Variants in SNAPC3 observed in about 807,000 individuals in gnomAD.
SNAPC3 encodes the protein snRNA-activating protein complex subunit 3.
A neutral mutation model predicts 47.7 loss-of-function variants in SNAPC3; 56 were observed. The ratio of observed to expected loss-of-function variants is 1.18; its 90% CI spans 0.95 to 1.47. The LOEUF is 1.47. Among genes scored for constraint, SNAPC3 ranks in the 40% most tolerant of loss-of-function variants. The probability of loss-of-function intolerance (pLI) is 0.00; values close to 1 mark genes in which losing one functional copy is unlikely to be tolerated. For synonymous variants in SNAPC3, 235 were observed against 189.9 expected (o/e 1.24, Z -1.95); for missense variants, 665 against 511.3 (o/e 1.30, Z -2.90).
downstream of SNAPC3, chr9:15,464,208 TCCTAGTTCCATTATAAGA>T (rs1434274769): frequency 1.0e-5 from 2 of 190,662 alleles, no homozygotes; most frequent in Admixed American, 1.2e-4. Context: ...AAACGGTGAT[TCCTAGTTCCATTATAAGA>T]CCTCTTTAAA....
downstream of SNAPC3, chr9:15,463,427 C>T (rs938689173): frequency 6.5e-5 from 9 of 137,606 alleles, no homozygotes; most frequent in African/African-American, 1.1e-4. Context: ...AAAACACATA[C>T]GTACATACAC....
intron 2 of SNAPC3, among the ~76,000 whole-genome samples, chr9:15,430,308 T>G (rs969389317): frequency 6.6e-6 from 1 of 152,130 alleles, no homozygotes; most frequent in African/African-American, 2.4e-5. Flanking sequence ...GGCACACACC[T>G]GTGCTCCCAG....
At chr9:15,447,396 G>T in intron 5 of SNAPC3, 152 bp downstream of exon 5, 1 of 700,108 alleles carries the variant, frequency 1.4e-6, no homozygotes, top group Non-Finnish European at 2.4e-6. Flanking sequence ...CTTTATCACC[G>T]GAACTTTTCC....
chr9:15,442,009 G>C (rs1006348356), intron 3 of SNAPC3, among the ~76,000 whole-genome samples: 49 of 150,248 alleles, frequency 3.3e-4, no homozygotes, highest in Admixed American at 3.2e-3. Context: ...ACAGGGCGGC[G>C]GCCAGGCGGA....
chr9:15,442,437 C>T (rs1302479547), intron 3 of SNAPC3, among the ~76,000 whole-genome samples: 4 of 149,494 alleles, frequency 2.7e-5, no homozygotes, highest in African/African-American at 7.4e-5. Context: ...GGGCGGAGGG[C>T]CTCCTCACTT....
At chr9:15,438,362 T>C (rs2033018106) in intron 3 of SNAPC3, among the ~76,000 whole-genome samples, 1 of 152,150 alleles carries the variant, frequency 6.6e-6, no homozygotes, top group Non-Finnish European at 1.5e-5. Flanking sequence ...ATTTGAGCCT[T>C]CTTTTTTCTC....
At chr9:15,457,778 A>G (rs9650676) in intron 7 of SNAPC3, among the ~76,000 whole-genome samples, 182 bp from the exon 8 acceptor site, 105,543 of 151,870 alleles carry the variant, frequency 0.69, 38,966 homozygotes, top group Non-Finnish European at 0.82. Context: ...TCTTGGAGAA[A>G]GTATTTTGTG....
intron 3 of SNAPC3, among the ~76,000 whole-genome samples, chr9:15,442,989 C>T (rs1474070774): frequency 1.3e-5 from 2 of 152,190 alleles, no homozygotes; most frequent in Admixed American, 6.5e-5. Context: ...GCCAACACAG[C>T]GAAACCCCGT....
At chr9:15,436,227 C>T (rs188978907) in intron 3 of SNAPC3, among the ~76,000 whole-genome samples, 9 of 152,232 alleles carry the variant, frequency 5.9e-5, no homozygotes, top group African/African-American at 2.2e-4. Flanking sequence ...TTTTGTTGTC[C>T]TTGCTTTTGA....
chr9:15,453,410 GAAAATCTTTAAGAA>G, intron 7 of SNAPC3: 1 of 444,786 alleles, frequency 2.2e-6, no homozygotes, highest in Admixed American at 4.0e-5. Context: ...CATTATTTTG[GAAAATCTTTAAGAA>G]ATACTTTACT....
chr9:15,432,766 TA>T (rs1383712381), intron 2 of SNAPC3, among the ~76,000 whole-genome samples: 2 of 152,126 alleles, frequency 1.3e-5, no homozygotes, highest in Non-Finnish European at 2.9e-5. Flanking sequence ...ATCCAATGAA[TA>T]AATGTAGAAG....
intron 7 of SNAPC3, among the ~76,000 whole-genome samples, chr9:15,456,470 CT>C (rs113404009): frequency 1.1e-3 from 165 of 147,266 alleles, no homozygotes; most frequent in African/African-American, 2.9e-3. Flanking sequence ...ACAATTTACA[CT>C]TTTTTTTTTT....
intron 6 of SNAPC3, 122 bp downstream of exon 6, chr9:15,451,524 T>G: frequency 2.1e-6 from 1 of 469,508 alleles, no homozygotes; most frequent in Non-Finnish European, 3.8e-6. Flanking sequence ...TGATAAATCT[T>G]GTCTTTTGCA....
downstream of SNAPC3, chr9:15,464,633 A>AT (rs909764537): frequency 2.0e-5 from 4 of 198,358 alleles, no homozygotes; most frequent in South Asian, 1.9e-4. Flanking sequence ...AAGCATCATG[A>AT]TTTTTTCTTC....
At position 15,423,206 on chromosome 9, in the gene SNAPC3, C is replaced by A. The variant is rs2030813128; in HGVS notation, c.314+13C>A. The A allele has an allele frequency of 6.4e-7, 1 of 1,569,124 alleles. No homozygotes were observed. The highest frequency in any genetic ancestry group is 1.4e-5 in the African/African-American group (1 of 72,724). On this transcript the variant is annotated intron_variant, in intron 1 of 8. Transcript: ENST00000380821. Reference sequence around the variant, plus strand: ...GGGCGGTGTGCGGGTGAGTGCGGAGCAAAGGGGCTCTTGCAGCTTGGGGTC... The same window carrying A: ...GGGCGGTGTGCGGGTGAGTGCGGAGAAAAGGGGCTCTTGCAGCTTGGGGTC...
rs1438643914 is a variant in SNAPC3, at chr9:15,453,170, AGACTGTG to A, written c.946_952del (p.Asp316AsnfsTer9). 24 of 1,612,828 alleles carry A rather than the reference AGACTGTG, an allele frequency of 1.5e-5. No homozygotes were observed. The highest frequency in any genetic ancestry group is 2.0e-5 in the Non-Finnish European group (24 of 1,179,106). On this transcript the variant is annotated frameshift_variant, in exon 7 of 9. Coordinates refer to ENST00000380821, the MANE Select transcript of SNAPC3 (RefSeq NM_001039697.2). LOFTEE classifies it high-confidence loss of function. ...TTCCTTACTTATACTGTCATCAGGGAGACTGTGAACATGTCATTGTCATTACTGACAT... is the reference window on the plus strand; with the variant it reads ...TTCCTTACTTATACTGTCATCAGGGAAACATGTCATTGTCATTACTGACAT...
intron 2 of SNAPC3, among the ~76,000 whole-genome samples, chr9:15,426,974 A>G (rs2131736366): frequency 6.6e-6 from 1 of 152,348 alleles, no homozygotes; most frequent in South Asian, 2.1e-4. Context: ...TCTATGCTTT[A>G]TCTTTCTCTG....
chr9:15,447,555 G>A (rs764390047), intron 5 of SNAPC3, among the ~76,000 whole-genome samples: 3 of 151,024 alleles, frequency 2.0e-5, no homozygotes, highest in Non-Finnish European at 4.4e-5. Flanking sequence ...ACAGAGTCTC[G>A]CTCTGCCGCC....
chr9:15,436,501 G>A (rs909299961), intron 3 of SNAPC3, among the ~76,000 whole-genome samples: 4 of 151,852 alleles, frequency 2.6e-5, no homozygotes, highest in African/African-American at 4.8e-5. Flanking sequence ...ACATTCTATC[G>A]GTCTAGATTC....
Sources: allele counts gnomAD v4.1 joint callset (sites outside exome capture counted in the v4.1 genomes callset), GRCh38; gene constraint gnomAD v4.1.1; transcripts MANE v1.5; gene names NCBI Gene and HGNC (gene_info 2026-07-23, HGNC 2026-07-21).